Variants in SHD observed in about 807,000 individuals in gnomAD.
SHD encodes Src homology 2 domain containing transforming protein D, also known as SH2 domain-containing adapter protein D.
SHD carries 29 observed loss-of-function variants against 31.2 expected under a neutral mutation model. The ratio of observed to expected loss-of-function variants is 0.93; its 90% confidence interval spans 0.69 to 1.27. The LOEUF (loss-of-function observed/expected upper bound fraction) is 1.27. SHD is among the 50% of genes most tolerant of loss of function. SHD has a pLI of 0.00. For missense variants in SHD, 520 were observed against 453.8 expected, an observed-to-expected ratio of 1.15 and a Z score of -1.33; for synonymous variants, 208 against 187.8, an observed-to-expected ratio of 1.11 and a Z score of -0.88.
In SHD at chr19:4,290,620, C is replaced by T. The variant is rs758005259; in HGVS notation, c.1010C>T (p.Thr337Met). ...EHLALLYPVV[T>M]QTP ...CTGGCTCTGCTGTACCCCGTGGTCA[C>T]GCAGACCCCCTGACAGTGACCCTCG... Residue 337 changes from threonine to methionine, a missense_variant, in exon 6 of 6, where the codon ACG becomes ATG. Physicochemically the swap from Thr to Met is moderately conservative, Grantham distance 81 (BLOSUM62 -1). Coordinates refer to ENST00000543264, the MANE Select transcript of SHD (RefSeq NM_020209.4). 2.9e-5 allele frequency: 46 copies of T among 1,608,168 alleles called. 1 individual carries two copies. Among genetic ancestry groups the T allele is most frequent in the Middle Eastern group, 3.3e-4 (2 of 6,012 alleles).
Position 4,280,084 on chromosome 19 carries a change from C to T in SHD, c.21C>T (p.Asp7=). MAKWLR[D]YLSFGGRRPP... is the part of the protein sequence containing the mutation. ...CCCAAATGGCCAAGTGGCTACGGGA[C>T]TACCTGAGCTTTGGGGGTCGGAGGC... Residue 7 remains aspartate, a synonymous_variant, in exon 1 of 6, where the codon GAC becomes GAT. Transcript: ENST00000543264. 6.2e-7 allele frequency: 1 copy of T among 1,609,606 alleles called. No homozygotes were observed. Among genetic ancestry groups the T allele is most frequent in the Non-Finnish European group, 8.5e-7 (1 of 1,178,436 alleles).
chr19:4,282,901 T>A lies in SHD; in HGVS notation c.329T>A (p.Phe110Tyr). ...LEADTEYLDP[F>Y]DAQPHPAPPD... Reference sequence around the variant, plus strand: ...GCCGACACTGAGTATTTAGACCCCTTTGATGCTCAGCCTCATCCTGCACCC... The same window carrying A: ...GCCGACACTGAGTATTTAGACCCCTATGATGCTCAGCCTCATCCTGCACCC... The change falls in exon 2 of 6, where the codon TTT (phenylalanine) becomes TAT (tyrosine). Residue 110 changes from phenylalanine to tyrosine, a missense_variant. Physicochemically the swap from Phe to Tyr is conservative, Grantham distance 22. Transcript: ENST00000543264. The A allele has an allele frequency of 6.2e-7, 1 of 1,613,908 alleles. No homozygotes were observed. Among genetic ancestry groups the A allele is most frequent in the Non-Finnish European group, 8.5e-7 (1 of 1,179,972 alleles).
At position 4,279,984 on chromosome 19, in the gene SHD, C is replaced by G; in HGVS notation, c.-80C>G. 6.9e-7 allele frequency: 1 copy of G among 1,450,188 alleles called. No homozygotes were observed. The highest frequency in any genetic ancestry group is 9.2e-7 in the Non-Finnish European group (1 of 1,091,666). The allele number at this position is 1,450,188 out of a possible 1,614,324, so 89.8% of individuals were successfully genotyped here. On this transcript the variant is annotated 5_prime_UTR_variant, in exon 1 of 6. Coordinates refer to ENST00000543264, the MANE Select transcript of SHD (RefSeq NM_020209.4). The surrounding 1 kb of genome is among the most constrained non-coding windows in gnomAD (Gnocchi z 7.5). ...CTTCCCTTCCTCTCCACCTCCTCCT[C>G]CTCCTTGGGGAAAGGGGCCCGGAGA...
intron 4 of SHD, 40 bp downstream of exon 4, chr19:4,284,944 G>GT (rs746113478): frequency 1.3e-6 from 2 of 1,512,188 alleles, no homozygotes; most frequent in East Asian, 4.9e-5. Context: ...CCCGTTGAAC[G>GT]TATCTGTAGA....
At chr19:4,283,816 G>C (rs1971281512) in intron 3 of SHD, among the ~76,000 whole-genome samples, 1 of 150,784 alleles carries the variant, frequency 6.6e-6, no homozygotes, top group Admixed American at 6.6e-5. Context: ...CTGACCTCGT[G>C]ATCCACCCGC....
intron 5 of SHD, among the ~76,000 whole-genome samples, chr19:4,290,063 A>G (rs62129295): frequency 0.45 from 68,702 of 151,318 alleles, 16,794 homozygotes; most frequent in African/African-American, 0.63. Flanking sequence ...TTTAGTGGAG[A>G]TGGGGTTTCA....
At chr19:4,285,606 G>T (rs10403523) in intron 4 of SHD, among the ~76,000 whole-genome samples, 4,284 of 146,632 alleles carry the variant, frequency 0.029, 206 homozygotes, top group African/African-American at 0.1. Flanking sequence ...CTGGAGTGCA[G>T]TGACGCGACC....
intron 4 of SHD, among the ~76,000 whole-genome samples, chr19:4,286,805 G>T (rs930866745): frequency 2.6e-5 from 4 of 151,870 alleles, no homozygotes; most frequent in African/African-American, 9.7e-5. Context: ...TCTTGAACCT[G>T]CGAGGTGGAG....
chr19:4,284,954 A>T (rs780738814), intron 4 of SHD, 50 bp downstream of exon 4: 2 of 1,456,436 alleles, frequency 1.4e-6, no homozygotes, highest in East Asian at 2.6e-5. Context: ...GTATCTGTAG[A>T]CTCCAATGTA....
At chr19:4,287,596 C>T (rs1216968825) in intron 4 of SHD, among the ~76,000 whole-genome samples, 1 of 151,912 alleles carries the variant, frequency 6.6e-6, no homozygotes, top group Non-Finnish European at 1.5e-5. Context: ...ACCAGCCTGG[C>T]CAACATGGTG....
chr19:4,283,856 G>C (rs187605707), intron 3 of SHD, among the ~76,000 whole-genome samples: 7 of 151,152 alleles, frequency 4.6e-5, no homozygotes, highest in African/African-American at 1.7e-4. Flanking sequence ...GGGATTACAG[G>C]CAGGAGCCAC....
chr19:4,288,185 C>T, intron 4 of SHD, 58 bp from the exon 5 acceptor site: 3 of 1,569,282 alleles, frequency 1.9e-6, no homozygotes, highest in African/African-American at 2.7e-5. Context: ...GATTACAGGG[C>T]CCCAGAGTGT....
At chr19:4,284,620 C>T in intron 3 of SHD, 161 bp from the exon 4 acceptor site, 1 of 798,526 alleles carries the variant, frequency 1.3e-6, no homozygotes, top group Non-Finnish European at 1.8e-6. Context: ...AAAGGTTGCA[C>T]CTGTGGCCAA....
Position 4,280,023 on chromosome 19 carries a change from G to T in SHD, c.-41G>T, listed in dbSNP as rs1026581890. 1.0e-5 allele frequency: 16 copies of T among 1,533,582 alleles called. No homozygotes were observed. The highest frequency in any genetic ancestry group is 1.3e-5 in the Non-Finnish European group (15 of 1,142,814). The allele number at this position is 1,533,582 out of a possible 1,614,324, so 95.0% of individuals were successfully genotyped here. A position where few individuals can be genotyped will look rare whatever the true frequency, so the allele number is the denominator to read the frequency against. On this transcript the variant is annotated 5_prime_UTR_variant, in exon 1 of 6. Transcript: ENST00000543264. Reference sequence around the variant, plus strand: ...GGGGCCCGGAGAAGGGCATGTGGGGGCCCCTCTGACAGTGGCCCGATTGGG... The same window carrying T: ...GGGGCCCGGAGAAGGGCATGTGGGGTCCCCTCTGACAGTGGCCCGATTGGG...
chr19:4,286,259 CTCTCTTTCTTTCTTTCTTTCTTTTTTTCT>C (rs1971313684), intron 4 of SHD, among the ~76,000 whole-genome samples: 5 of 115,362 alleles, frequency 4.3e-5, no homozygotes, highest in Middle Eastern at 4.0e-3. Context: ...TTCTTTCTTT[CTCTCTTTCTTTCTTTCTTTCTTTTTTTCT>C]TTCCTTCCTT....
chr19:4,279,759 C>T lies in SHD; in HGVS notation c.-305C>T. The T allele has an allele frequency of 2.5e-6, 1 of 395,846 alleles. No homozygotes were observed. 24.5% of individuals were successfully genotyped at this position (395,846 alleles called of 1,614,324 possible). The stretch of plus-strand genomic sequence containing the variant: ...CGCGCCTCCGCGGATGCCCCTCGCC[C>T]TAGCCCCCAGCGCGCGGGGTTCGGG... On this transcript the variant is annotated 5_prime_UTR_variant, in exon 1 of 6. Transcript: ENST00000543264. This position sits in a 1 kb window ranked among gnomAD's most constrained non-coding sequence, Gnocchi z 7.5.
chr19:4,285,257 C>T (rs1971297017), intron 4 of SHD, among the ~76,000 whole-genome samples: 1 of 152,184 alleles, frequency 6.6e-6, no homozygotes, highest in South Asian at 2.1e-4. Flanking sequence ...GTGGGGCTTA[C>T]AGCCTCAGAG....
Position 4,288,337 on chromosome 19 carries a change from C to A in SHD, c.811C>A (p.Pro271Thr), listed in dbSNP as rs1384239492. 2 of 1,613,474 alleles carry A rather than the reference C, an allele frequency of 1.2e-6. No individual in the cohort carries two copies. Among genetic ancestry groups the A allele is most frequent in the Non-Finnish European group, 1.7e-6 (2 of 1,179,786 alleles). Residue 271 changes from proline to threonine, a missense_variant, in exon 5 of 6, where the codon CCC (proline) becomes ACC (threonine). Coordinates refer to ENST00000543264, the MANE Select transcript of SHD (RefSeq NM_020209.4). ...CCTAGTGCGGCTCAGTGAGACCAACCCCCAGGACTGCTCCTTGTCTCTCAG... is the reference window on the plus strand; with the variant it reads ...CCTAGTGCGGCTCAGTGAGACCAACACCCAGGACTGCTCCTTGTCTCTCAG... ...SYLVRLSETN[P>T]QDCSLSLRSS...
Position 4,290,461 on chromosome 19 carries a change from T to C in SHD, c.851T>C (p.Phe284Ser), listed in dbSNP as rs752518589. 7.1e-5 allele frequency: 115 copies of C among 1,612,048 alleles called. No individual in the cohort carries two copies. Among genetic ancestry groups the C allele is most frequent in the Admixed American group, 3.3e-5 (2 of 59,872 alleles). Reference protein sequence around the residue: ...CSLSLRSSQGFLHLKFARTRE... With the variant: ...CSLSLRSSQGSLHLKFARTRE... ...TCATCGCCCAGGAGCAGCCAGGGCT[T>C]CCTGCATCTGAAGTTCGCGCGGACC... Residue 284 changes from phenylalanine to serine, a missense_variant, in exon 6 of 6, where the codon TTC becomes TCC. Coordinates refer to ENST00000543264, the MANE Select transcript of SHD (RefSeq NM_020209.4).
Sources: allele counts gnomAD v4.1 joint callset (sites outside exome capture counted in the v4.1 genomes callset), GRCh38; gene constraint gnomAD v4.1.1; non-coding constraint Gnocchi (gnomAD v3.1); transcripts MANE v1.5; gene names NCBI Gene and HGNC (gene_info 2026-07-23, HGNC 2026-07-21).